Variants in PSIP1 observed in about 807,000 individuals in gnomAD.
PSIP1 encodes the protein PC4 and SRSF1 interacting protein 1, also known as PC4 and SFRS1-interacting protein.
A neutral mutation model predicts 74.7 loss-of-function variants in PSIP1; 19 were observed. The observed-to-expected ratio is 0.25, with a 90% CI of 0.18 to 0.37. The LOEUF is 0.37. Among genes scored for constraint, PSIP1 ranks in the 10% least tolerant of loss-of-function variants. PSIP1 has a pLI of 1.00. For missense variants in PSIP1, 601 were observed against 614.3 expected (o/e 0.98, Z 0.23); for synonymous variants, 222 against 195.3 (o/e 1.14, Z -1.14).
chr9:15,480,587 C>T (rs1408372467), intron 6 of PSIP1, among the ~76,000 whole-genome samples: 1 of 152,150 alleles, frequency 6.6e-6, no homozygotes, highest in Non-Finnish European at 1.5e-5. Flanking sequence ...TTTATGAAAG[C>T]ACATAATTAT....
Position 15,479,801 on chromosome 9 carries a change from C to A in PSIP1, c.457-114G>T, listed in dbSNP as rs561991062. The A allele has an allele frequency of 9.1e-5, 57 of 629,046 alleles. 1 individual carries two copies. In the South Asian group the frequency reaches 1.3e-3, roughly 14 times the overall value. 39.0% of individuals were successfully genotyped at this position (629,046 alleles called of 1,614,324 possible). A position where few individuals can be genotyped will look rare whatever the true frequency, so the allele number is the denominator to read the frequency against. On this transcript the variant is annotated intron_variant, in intron 6 of 15. Coordinates refer to ENST00000380733, the MANE Select transcript of PSIP1 (RefSeq NM_033222.5). ...ACGTTGAGTTCAAGTATAGATATAACCTCTATATGATCTTTTGTTTTTTCA... is the reference window on the plus strand; with the variant it reads ...ACGTTGAGTTCAAGTATAGATATAAACTCTATATGATCTTTTGTTTTTTCA...
chr9:15,472,786 A>G (rs765568589), intron 9 of PSIP1, 36 bp from the exon 10 acceptor site: 6 of 1,555,428 alleles, frequency 3.9e-6, no homozygotes, highest in African/African-American at 2.8e-5. Flanking sequence ...ATTTAACTAT[A>G]AAGTCAGTGA....
intron 3 of PSIP1, chr9:15,505,775 T>C (rs2037559349): frequency 1.3e-5 from 2 of 152,234 alleles, no homozygotes; most frequent in Admixed American, 6.5e-5. Flanking sequence ...GTTTATACAG[T>C]AGCTAAGCAA....
intron 9 of PSIP1, among the ~76,000 whole-genome samples, chr9:15,473,716 G>A (rs1376321237): frequency 1.3e-5 from 2 of 151,828 alleles, no homozygotes; most frequent in Admixed American, 6.6e-5. Context: ...GCCTGACCAA[G>A]ATTGCAAAAC....
chr9:15,489,702 A>C (rs1020954035), intron 4 of PSIP1, among the ~76,000 whole-genome samples: 2 of 152,028 alleles, frequency 1.3e-5, no homozygotes, highest in Non-Finnish European at 2.9e-5. Flanking sequence ...ACCTAAATTT[A>C]GAACAGTACA....
At position 15,470,869 on chromosome 9, in the gene PSIP1, A is replaced by G. The variant is rs1362249009; in HGVS notation, c.978-876T>C. On this transcript the variant is annotated intron_variant, in intron 10 of 15. Coordinates refer to ENST00000380733, the MANE Select transcript of PSIP1 (RefSeq NM_033222.5). Reference sequence around the variant, plus strand: ...TTTATATTTTCTAGATGAATAATGTACAACCACCATCTTCGTCTGAGCTTG... The same window carrying G: ...TTTATATTTTCTAGATGAATAATGTGCAACCACCATCTTCGTCTGAGCTTG... The G allele has an allele frequency of 2.8e-6, 3 of 1,085,338 alleles. No homozygotes were observed. In the East Asian group the frequency reaches 1.5e-4, roughly 53 times the overall value. 67.2% of individuals were successfully genotyped at this position (1,085,338 alleles called of 1,614,324 possible).
At chr9:15,474,530 T>C (rs935518374) in intron 8 of PSIP1, among the ~76,000 whole-genome samples, 2 of 152,118 alleles carry the variant, frequency 1.3e-5, no homozygotes, top group African/African-American at 4.8e-5. Context: ...GGAAGTGAAA[T>C]CAAATACGGT....
intron 6 of PSIP1, among the ~76,000 whole-genome samples, chr9:15,480,702 A>G (rs960094575): frequency 6.6e-6 from 1 of 152,348 alleles, no homozygotes; most frequent in Admixed American, 6.5e-5. Context: ...TGAGTGGATC[A>G]CTTGAGGTTA....
At chr9:15,508,519 G>A (rs529117254) in intron 2 of PSIP1, among the ~76,000 whole-genome samples, 2 of 152,230 alleles carry the variant, frequency 1.3e-5, no homozygotes, top group Admixed American at 6.5e-5. Context: ...ACATATGAGC[G>A]TGGGGAGGGT....
At chr9:15,473,905 A>AAAAAAAAAAC in intron 9 of PSIP1, 104 bp downstream of exon 9, 1 of 741,038 alleles carries the variant, frequency 1.3e-6, no homozygotes, top group Non-Finnish European at 1.9e-6. Context: ...CATCTCAAAC[A>AAAAAAAAAAC]AAAAAAAAAC....
chr9:15,470,035 T>A lies in PSIP1; in HGVS notation c.978-42A>T, dbSNP rs774152061. 21 of 1,478,586 alleles carry A rather than the reference T, an allele frequency of 1.4e-5. 1 individual carries two copies. Among genetic ancestry groups the A allele is most frequent in the Non-Finnish European group, 9.4e-7 (1 of 1,067,556 alleles). The allele number at this position is 1,478,586 out of a possible 1,614,324, so 91.6% of individuals were successfully genotyped here. On this transcript the variant is annotated intron_variant, in intron 10 of 15. Transcript: ENST00000380733. ...AAAATATTTCAACACATTGGAATTTTGTGACTAAATGCCCACAATCCCTAT... is the reference window on the plus strand; with the variant it reads ...AAAATATTTCAACACATTGGAATTTAGTGACTAAATGCCCACAATCCCTAT...
chr9:15,466,894 A>T, intron 14 of PSIP1, 35 bp from the exon 15 acceptor site: 1 of 1,527,278 alleles, frequency 6.5e-7, no homozygotes, highest in Non-Finnish European at 9.0e-7. Context: ...ACTTTGTTAA[A>T]GCTTACAAAA....
intron 3 of PSIP1, chr9:15,506,299 T>C (rs920390992): frequency 3.1e-6 from 1 of 318,518 alleles, no homozygotes; most frequent in South Asian, 7.0e-5. Context: ...ACTTTCCTTA[T>C]GTATTTTCAT....
At chr9:15,509,087 C>A (rs1362635016) in intron 2 of PSIP1, among the ~76,000 whole-genome samples, 1 of 152,162 alleles carries the variant, frequency 6.6e-6, no homozygotes, top group Admixed American at 6.5e-5. Context: ...GACAGGACTC[C>A]GTTATCTAAT....
chr9:15,491,059 A>G (rs1300275706), intron 3 of PSIP1, among the ~76,000 whole-genome samples: 4 of 152,244 alleles, frequency 2.6e-5, no homozygotes, highest in Non-Finnish European at 5.9e-5. Context: ...CAAGGTTTTC[A>G]TGAACCAATC....
chr9:15,474,169 T>C lies in PSIP1; in HGVS notation c.698A>G (p.Lys233Arg), dbSNP rs1333752732. The C allele has an allele frequency of 6.2e-7, 1 of 1,613,394 alleles. No individual in the cohort carries two copies. The highest frequency in any genetic ancestry group is 8.5e-7 in the Non-Finnish European group (1 of 1,179,884). ...EEKQPKKQPK[K>R]DEEGQKEEDK... ...TTCTTCCTTCTGGCCCTCTTCATCC[T>C]TCTTAGGCTGCTTTTTAGGTTGTTT... Residue 233 changes from lysine to arginine, a missense_variant, in exon 9 of 16, where the codon AAG becomes AGG. By Grantham distance (26) the Lys-to-Arg change is conservative (BLOSUM62 2). This residue lies in a region of PSIP1 where 538 missense variants were observed against 507.6 expected (regional missense o/e 1.06). Transcript: ENST00000380733.
At chr9:15,472,547 G>A in intron 10 of PSIP1, 85 bp downstream of exon 10, 1 of 1,501,414 alleles carries the variant, frequency 6.7e-7, no homozygotes, top group Non-Finnish European at 8.8e-7. Flanking sequence ...GCTTCATAAA[G>A]TCTGGAAAAT....
intron 8 of PSIP1, among the ~76,000 whole-genome samples, chr9:15,477,580 C>A (rs1178978903): frequency 6.6e-6 from 1 of 151,918 alleles, no homozygotes; most frequent in Non-Finnish European, 1.5e-5. Flanking sequence ...TTCAAATCTT[C>A]AAACACAATA....
At chr9:15,498,681 A>G (rs1322046093) in intron 3 of PSIP1, among the ~76,000 whole-genome samples, 1 of 152,106 alleles carries the variant, frequency 6.6e-6, no homozygotes, top group East Asian at 1.9e-4. Flanking sequence ...AAAATCCTTA[A>G]TATGCTAAGT....
Sources: gnomAD v4.1 joint callset for allele counts (sites outside exome capture counted in the v4.1 genomes callset) on GRCh38, gnomAD v4.1.1 for gene constraint, gnomAD v4.1.1 regional missense constraint, MANE v1.5 for transcripts, NCBI Gene and HGNC (gene_info 2026-07-23, HGNC 2026-07-21) for gene names.